Variants in COL6A2 observed in about 807,000 individuals in gnomAD.
COL6A2 encodes collagen type VI alpha 2 chain, also known as collagen alpha-2(VI) chain.
COL6A2 carries 90 observed loss-of-function variants against 124.9 expected under a neutral mutation model. That is an observed-to-expected ratio of 0.72 (90% confidence interval 0.61 to 0.86). The LOEUF (loss-of-function observed/expected upper bound fraction) is 0.86, where lower values mean the gene tolerates loss of function less well. COL6A2 is among the 40% of genes least tolerant of loss of function. The pLI, the probability that COL6A2 is intolerant of heterozygous loss-of-function variation, is 0.00. For synonymous variants in COL6A2, 793 were observed against 618.2 expected, an observed-to-expected ratio of 1.28 and a Z score of -4.19; for missense variants, 1,607 against 1,502.5, an observed-to-expected ratio of 1.07 and a Z score of -1.15.
Position 46,126,122 on chromosome 21 carries a change from T to C in COL6A2, c.2307T>C (p.Ser769=), listed in dbSNP as rs1468113444. The part of the protein sequence containing the change: ...IGDMFHEKHE[S]ENLYSIACDK... ...ACATGTTCCACGAGAAGCACGAGAG[T>C]GAAAACCTCTACTCCATCGCCTGCG... is the stretch of plus-strand genomic sequence containing the variant. The change falls in exon 26 of 28, where the codon AGT becomes AGC. Residue 769 remains serine (S), a synonymous_variant. Transcript: ENST00000300527. 1.8e-5 allele frequency: 29 copies of C among 1,611,796 alleles called. No homozygotes were observed. The highest frequency in any genetic ancestry group is 2.3e-5 in the Non-Finnish European group (27 of 1,179,908).
chr21:46,131,948 CCA>C lies in COL6A2; in HGVS notation c.2462-3_2462-2del, dbSNP rs756373116. On this transcript the variant is annotated splice_region_variant and splice_polypyrimidine_tract_variant and intron_variant, in intron 27 of 27. Coordinates refer to ENST00000300527, the MANE Select transcript of COL6A2 (RefSeq NM_001849.4). Reference sequence around the variant, plus strand: ...CCGCCCAGCCCGCACCTGCGTCTCCCCACAGAGCTGTCCGTGGCACAGTGCAC... The same window carrying C: ...CCGCCCAGCCCGCACCTGCGTCTCCCCAGAGCTGTCCGTGGCACAGTGCAC... 6.3e-7 allele frequency: 1 copy of C among 1,594,120 alleles called. No individual in the cohort carries two copies. Among genetic ancestry groups the C allele is most frequent in the African/African-American group, 1.3e-5 (1 of 74,406 alleles).
chr21:46,115,208 G>A (rs1330525955), intron 5 of COL6A2, among the ~76,000 whole-genome samples: 3 of 152,238 alleles, frequency 2.0e-5, no homozygotes, highest in Admixed American at 6.5e-5. Context: ...TAGAGTTTGA[G>A]GGGTGGCAAG....
intron 15 of COL6A2, among the ~76,000 whole-genome samples, chr21:46,120,141 CTT>C (rs2078540397): frequency 6.7e-6 from 1 of 148,890 alleles, no homozygotes; most frequent in Non-Finnish European, 1.5e-5. Context: ...TGAGGCACCT[CTT>C]ACCCCCAGCC....
intron 21 of COL6A2, among the ~76,000 whole-genome samples, chr21:46,123,275 ACCCCAACATAGCATCCCCTCCAGAGT>A (rs2078596492): frequency 8.1e-6 from 1 of 122,742 alleles, no homozygotes; most frequent in African/African-American, 3.0e-5. Context: ...CTCCCCAGCG[ACCCCAACATAGCATCCCCTCCAGAGT>A]CCCCTCCCCC....
intron 21 of COL6A2, among the ~76,000 whole-genome samples, chr21:46,123,473 G>A (rs2078599372): frequency 6.6e-6 from 1 of 152,130 alleles, no homozygotes; most frequent in Admixed American, 6.5e-5. Flanking sequence ...AGGTTGGTCT[G>A]GAACTGAGCA....
intron 13 of COL6A2, 135 bp from the exon 14 acceptor site, chr21:46,118,895 C>G: frequency 1.1e-6 from 1 of 946,300 alleles, no homozygotes; most frequent in Admixed American, 2.0e-5. Context: ...CCAGGGGACC[C>G]TGCAGGGCCC....
In COL6A2 at chr21:46,119,122, G is replaced by A. The variant is rs763749068; in HGVS notation, c.1269+3G>A. ...CCCGCGGACCCAAAGGCGAGCCGGT[G>A]AGTCCCTCCTGCCCCTGCCTCAGGG... On this transcript the variant is annotated splice_donor_region_variant and intron_variant, in intron 14 of 27. Coordinates refer to ENST00000300527, the MANE Select transcript of COL6A2 (RefSeq NM_001849.4). The A allele has an allele frequency of 6.2e-7, 1 of 1,609,336 alleles. No homozygotes were observed. The highest frequency in any genetic ancestry group is 8.5e-7 in the Non-Finnish European group (1 of 1,178,224).
chr21:46,105,361 G>C (rs920964006), intron 1 of COL6A2, among the ~76,000 whole-genome samples: 5 of 152,046 alleles, frequency 3.3e-5, no homozygotes, highest in African/African-American at 1.2e-4. Context: ...ACTCCAGCCT[G>C]GGCAACAGAG....
In COL6A2 at chr21:46,125,819, G is replaced by A. The variant is rs1477827388; in HGVS notation, c.2004G>A (p.Glu668=). ...TRVGVVQYSH[E]GTFEAIQLDD... ...TGGGCGTGGTGCAGTACAGCCACGA[G>A]GGCACCTTTGAGGCCATCCAGCTGG... is the stretch of plus-strand genomic sequence containing the variant. The change falls in exon 26 of 28, where the codon GAG becomes GAA. Residue 668 remains glutamate (E), a synonymous_variant. Transcript: ENST00000300527. 21 of 1,612,982 alleles carry A rather than the reference G, an allele frequency of 1.3e-5. No homozygotes were observed. Among genetic ancestry groups the A allele is most frequent in the Non-Finnish European group, 1.8e-5 (21 of 1,179,956 alleles).
chr21:46,123,700 G>GATGGATGA (rs147343161), intron 21 of COL6A2, among the ~76,000 whole-genome samples: 119,800 of 150,216 alleles, frequency 0.8, 47,939 homozygotes, highest in East Asian at 0.88. Flanking sequence ...TGGGTAGGTG[G>GATGGATGA]GTAGATGGAT....
intron 21 of COL6A2, among the ~76,000 whole-genome samples, chr21:46,123,904 T>A (rs1423764119): frequency 7.0e-6 from 1 of 142,742 alleles, no homozygotes; most frequent in African/African-American, 2.6e-5. Context: ...GATAGATGGA[T>A]GGGTGGGTGG....
chr21:46,123,853 G>GAGTT (rs780289469), intron 21 of COL6A2, among the ~76,000 whole-genome samples: 3 of 95,500 alleles, frequency 3.1e-5, no homozygotes, highest in Non-Finnish European at 7.1e-5. Flanking sequence ...ATGGATGAAT[G>GAGTT]AGTTAGTGGG....
intron 4 of COL6A2, 29 bp downstream of exon 4, chr21:46,112,853 C>T (rs889223660): frequency 8.1e-6 from 13 of 1,613,136 alleles, no homozygotes; most frequent in Non-Finnish European, 1.1e-5. Context: ...CCTGCCAGTG[C>T]TGGCCGGCAG....
rs754514524 is a variant in COL6A2, at chr21:46,125,775, C to CGGCTTGCAGGGACGCGTGT, written c.1970-7_1981dup. ...GCCTCTGGCAACGACCTCACGCGTG[C>CGGCTTGCAGGGACGCGTGT]GGCTTGCAGGGACGCGTGTGGGCGT... On this transcript the variant is annotated splice_polypyrimidine_tract_variant and intron_variant, in intron 25 of 27. Coordinates refer to ENST00000300527, the MANE Select transcript of COL6A2 (RefSeq NM_001849.4). The CGGCTTGCAGGGACGCGTGT allele has an allele frequency of 1.2e-6, 2 of 1,610,468 alleles. No homozygotes were observed. The highest frequency in any genetic ancestry group is 1.7e-6 in the Non-Finnish European group (2 of 1,178,162).
At chr21:46,111,391 G>A in intron 1 of COL6A2, 59 bp from the exon 2 acceptor site, 1 of 971,704 alleles carries the variant, frequency 1.0e-6, no homozygotes. Flanking sequence ...CCTGCCATGG[G>A]GGAGGGTGCC....
chr21:46,132,685 T>C lies in COL6A2; in HGVS notation c.*133T>C, dbSNP rs2078779360. The C allele has an allele frequency of 1.1e-5, 10 of 926,424 alleles. 1 individual carries two copies. The South Asian group carries it at 1.5e-4, about 14-fold the overall frequency. The allele number at this position is 926,424 out of a possible 1,614,324, so 57.4% of individuals were successfully genotyped here. On this transcript the variant is annotated 3_prime_UTR_variant, in exon 28 of 28. Transcript: ENST00000300527. Reference sequence around the variant, plus strand: ...CCTGGGCCTGCACCTCTCCAGCTCCTCCCACGGGGTCCCCGTAGCCCCGGC... The same window carrying C: ...CCTGGGCCTGCACCTCTCCAGCTCCCCCCACGGGGTCCCCGTAGCCCCGGC...
At chr21:46,118,476 T>C in intron 12 of COL6A2, 138 bp from the exon 13 acceptor site, 1 of 776,842 alleles carries the variant, frequency 1.3e-6, no homozygotes. Flanking sequence ...CCAGCCAGCA[T>C]CTGGCATCCC....
At position 46,120,551 on chromosome 21, in the gene COL6A2, GGA is replaced by G; in HGVS notation, c.1373_1374del (p.Glu458GlyfsTer36). On this transcript the variant is annotated frameshift_variant, in exon 16 of 28. Transcript: ENST00000300527. LOFTEE classifies it high-confidence loss of function. Reference sequence around the variant, plus strand: ...CCCTGAGGGGCCCCGCGGCCTGGCTGGAGAGGTTGGCAACAAAGGAGCCAAGG... The same window carrying G: ...CCCTGAGGGGCCCCGCGGCCTGGCTGGAGGTTGGCAACAAAGGAGCCAAGG... ...PGPEGPRGLA[G>X]EVGNKGAKGD... 1 of 1,472,948 alleles carries G rather than the reference GGA, an allele frequency of 6.8e-7. No homozygotes were observed. Among genetic ancestry groups the G allele is most frequent in the Non-Finnish European group, 9.0e-7 (1 of 1,113,292 alleles). 91.2% of individuals were successfully genotyped at this position (1,472,948 alleles called of 1,614,324 possible).
At chr21:46,102,885 T>C (rs2226834) in intron 1 of COL6A2, among the ~76,000 whole-genome samples, 96,020 of 151,972 alleles carry the variant, frequency 0.63, 30,748 homozygotes, top group East Asian at 0.8. Context: ...TAGTTTTCTT[T>C]TCTTGCAATA....
Sources: gnomAD v4.1 joint callset for allele counts (sites outside exome capture counted in the v4.1 genomes callset) on GRCh38, gnomAD v4.1.1 for gene constraint, MANE v1.5 for transcripts, NCBI Gene and HGNC (gene_info 2026-07-23, HGNC 2026-07-21) for gene names.